The following FA2H variants were observed in gnomAD, a reference collection of about 807,000 sequenced individuals.
FA2H encodes the protein fatty acid 2-hydroxylase.
In FA2H, 22 loss-of-function variants were observed where a neutral mutation model predicts 44.9. The observed-to-expected ratio is 0.49, with a 90% CI of 0.35 to 0.70. FA2H has a LOEUF of 0.70. Among genes scored for constraint, FA2H ranks in the 30% least tolerant of loss-of-function variants. The probability of loss-of-function intolerance (pLI) is 0.01; values close to 1 mark genes in which losing one functional copy is unlikely to be tolerated. For missense variants in FA2H, 501 were observed against 504.9 expected (o/e 0.99, Z 0.07); for synonymous variants, 243 against 213.2 (o/e 1.14, Z -1.22).
At chr16:74,737,077 C>G (rs1028826247) in intron 2 of FA2H, among the ~76,000 whole-genome samples, 5 of 152,186 alleles carry the variant, frequency 3.3e-5, no homozygotes, top group African/African-American at 7.2e-5. Flanking sequence ...TGCTGAGCAT[C>G]TGGGCAGCGA....
At chr16:74,717,404 C>G (rs1450269903) in intron 5 of FA2H, among the ~76,000 whole-genome samples, 1 of 152,066 alleles carries the variant, frequency 6.6e-6, no homozygotes, top group African/African-American at 2.4e-5. Flanking sequence ...AACCAGCTCT[C>G]AGGAAAAGGA....
chr16:74,728,774 C>T (rs185165170), intron 2 of FA2H, among the ~76,000 whole-genome samples: 105 of 146,602 alleles, frequency 7.2e-4, no homozygotes, highest in African/African-American at 2.5e-3. Flanking sequence ...ATATATTTAT[C>T]TCTTTCTTTT....
At chr16:74,764,891 C>A (rs1247449920) in intron 1 of FA2H, among the ~76,000 whole-genome samples, 1 of 152,108 alleles carries the variant, frequency 6.6e-6, no homozygotes, top group African/African-American at 2.4e-5. Context: ...GTACTTATAG[C>A]TACATGAGGA....
rs749140634 is a variant in FA2H at position 74,727,339 on chromosome 16, C to T, written c.411G>A (p.Leu137=). ...RKPLLWQVGH[L]GEKYDEWVHQ... ...GAACCCACTCATCGTACTTCTCTCC[C>T]AAGTGGCCCACCTGCCACAGGAGAG... The change falls in exon 3 of 7, where the codon TTG becomes TTA. Residue 137 remains leucine, a synonymous_variant. Transcript: ENST00000219368. The T allele has an allele frequency of 6.2e-7, 1 of 1,614,170 alleles. No homozygotes were observed. The highest frequency in any genetic ancestry group is 8.5e-7 in the Non-Finnish European group (1 of 1,180,026).
intron 1 of FA2H, among the ~76,000 whole-genome samples, chr16:74,770,547 T>A (rs1231773266): frequency 6.6e-6 from 1 of 152,180 alleles, no homozygotes; most frequent in African/African-American, 2.4e-5. Flanking sequence ...CCCAGCTAAT[T>A]TTTTGTAGAG....
intron 1 of FA2H, among the ~76,000 whole-genome samples, chr16:74,773,568 C>G (rs1409385067): frequency 6.6e-6 from 1 of 152,130 alleles, no homozygotes; most frequent in Non-Finnish European, 1.5e-5. Flanking sequence ...ATCCTGTGGA[C>G]TAGGTCTGTC....
chr16:74,749,389 A>G (rs1047464625), intron 1 of FA2H, among the ~76,000 whole-genome samples: 5 of 139,358 alleles, frequency 3.6e-5, no homozygotes, highest in Non-Finnish European at 6.1e-5. Context: ...CAGTCATTGC[A>G]AGGCGATGGG....
chr16:74,773,787 A>C (rs1217947936), intron 1 of FA2H, among the ~76,000 whole-genome samples: 1 of 152,222 alleles, frequency 6.6e-6, no homozygotes, highest in Non-Finnish European at 1.5e-5. Flanking sequence ...ACTGCACAGA[A>C]GCGTGCAGCT....
At position 74,720,898 on chromosome 16, in the gene FA2H, C is replaced by T. The variant is rs182315153; in HGVS notation, c.614-1738G>A. Reference sequence around the variant, plus strand: ...TGTTCAACATTCACCCATGTTGTAACATGTATTACAACTCCATTCCTTTTT... The same window carrying T: ...TGTTCAACATTCACCCATGTTGTAATATGTATTACAACTCCATTCCTTTTT... On this transcript the variant is annotated intron_variant, in intron 4 of 6. Coordinates refer to ENST00000219368, the MANE Select transcript of FA2H (RefSeq NM_024306.5). Among the ~76,000 whole-genome samples the T allele has an allele frequency of 5.9e-5, 9 of 152,344 alleles. No homozygotes were observed. In the East Asian group the frequency reaches 1.7e-3, roughly 29 times the overall value.
At chr16:74,766,082 T>C (rs1597572654) in intron 1 of FA2H, among the ~76,000 whole-genome samples, 1 of 151,798 alleles carries the variant, frequency 6.6e-6, no homozygotes, top group African/African-American at 2.4e-5. Context: ...CCGAGGCAGG[T>C]GAGGTCAGGA....
At position 74,767,636 on chromosome 16, in the gene FA2H, G is replaced by A. The variant is rs146685944; in HGVS notation, c.270+6850C>T. 5.6e-3 allele frequency among the ~76,000 whole-genome samples: 859 copies of A among 152,272 alleles called. 10 individuals are homozygous for A. The highest frequency in any genetic ancestry group is 9.9e-3 in the Non-Finnish European group (670 of 68,002). On this transcript the variant is annotated intron_variant, in intron 1 of 6. Coordinates refer to ENST00000219368, the MANE Select transcript of FA2H (RefSeq NM_024306.5). Reference sequence around the variant, plus strand: ...GGCTGGCATGATGAGATTGCTGGCTGGGCCAAGAGCCAAGGAATGCAGGCA... The same window carrying A: ...GGCTGGCATGATGAGATTGCTGGCTAGGCCAAGAGCCAAGGAATGCAGGCA...
At chr16:74,762,215 T>C (rs1029110329) in intron 1 of FA2H, among the ~76,000 whole-genome samples, 1 of 152,158 alleles carries the variant, frequency 6.6e-6, no homozygotes, top group African/African-American at 2.4e-5. Context: ...GCTAATTTTT[T>C]TGGATTTTTA....
At chr16:74,716,722 G>C (rs1429703282) in intron 5 of FA2H, 123 bp from the exon 6 acceptor site, 2 of 1,189,920 alleles carry the variant, frequency 1.7e-6, no homozygotes, top group Non-Finnish European at 2.3e-6. Context: ...CGTAGGCTTG[G>C]CACCTTTGGT....
In FA2H at chr16:74,766,957, G is replaced by A. The variant is rs574902638; in HGVS notation, c.270+7529C>T. On this transcript the variant is annotated intron_variant, in intron 1 of 6. Coordinates refer to ENST00000219368, the MANE Select transcript of FA2H (RefSeq NM_024306.5). ...GAGGAGGCAGGAGCCTGTGCTAGGT[G>A]CTGGAAGAGTTCTAGGTCTCGATCT... is the stretch of plus-strand genomic sequence containing the variant. Among the ~76,000 whole-genome samples, 3 of 152,076 alleles carry A rather than the reference G, an allele frequency of 2.0e-5. No individual in the cohort carries two copies. The East Asian group carries it at 5.8e-4, about 29-fold the overall frequency.
chr16:74,730,276 A>G (rs1458121728), intron 2 of FA2H, among the ~76,000 whole-genome samples: 2 of 152,048 alleles, frequency 1.3e-5, no homozygotes, highest in Non-Finnish European at 2.9e-5. Context: ...TGAACTTGGC[A>G]GGTCCCAGGT....
At chr16:74,772,130 C>T (rs1475264077) in intron 1 of FA2H, among the ~76,000 whole-genome samples, 3 of 152,150 alleles carry the variant, frequency 2.0e-5, no homozygotes, top group Non-Finnish European at 4.4e-5. Flanking sequence ...TGGCCCCGGC[C>T]GACTTTTGGC....
chr16:74,716,299 A>C, intron 6 of FA2H, 48 bp downstream of exon 6: 1 of 1,600,194 alleles, frequency 6.2e-7, no homozygotes, highest in Non-Finnish European at 8.5e-7. Flanking sequence ...TTGGCAAATA[A>C]ATCAATGAAC....
chr16:74,751,947 G>A (rs1852014428), intron 1 of FA2H, among the ~76,000 whole-genome samples: 1 of 152,152 alleles, frequency 6.6e-6, no homozygotes, highest in African/African-American at 2.4e-5. Context: ...GGTGAGCTTT[G>A]ATAGTCCTAT....
chr16:74,725,695 A>G (rs147043332), intron 4 of FA2H, among the ~76,000 whole-genome samples: 212 of 152,308 alleles, frequency 1.4e-3, no homozygotes, highest in African/African-American at 5.0e-3. Context: ...GGCCCCGCAC[A>G]TGGCAAGTGT....
Sources: gnomAD v4.1 joint callset for allele counts (sites outside exome capture counted in the v4.1 genomes callset) on GRCh38, gnomAD v4.1.1 for gene constraint, MANE v1.5 for transcripts, NCBI Gene and HGNC (gene_info 2026-07-23, HGNC 2026-07-21) for gene names.